DSCAML1: variants seen among roughly 807,000 people sequenced by gnomAD.
DSCAML1 encodes the protein cell adhesion molecule DSCAML1.
DSCAML1 carries 38 observed loss-of-function variants against 200.5 expected under a neutral mutation model. The ratio of observed to expected loss-of-function variants is 0.19; its 90% CI spans 0.15 to 0.25. The LOEUF (loss-of-function observed/expected upper bound fraction) is 0.25. DSCAML1 is among the 10% of genes least tolerant of loss of function. DSCAML1 has a pLI of 1.00. For missense variants in DSCAML1, 2,223 were observed against 2,858.8 expected, an observed-to-expected ratio of 0.78 and a Z score of 5.07; for synonymous variants, 1,215 against 1,165.0, an observed-to-expected ratio of 1.04 and a Z score of -0.87.
intron 3 of DSCAML1, among the ~76,000 whole-genome samples, chr11:117,684,800 T>G (rs1413658994): frequency 6.6e-6 from 1 of 152,246 alleles, no homozygotes; most frequent in South Asian, 2.1e-4. Flanking sequence ...TTTCTTCATA[T>G]ATTGCTGGGG....
intron 28 of DSCAML1, 53 bp downstream of exon 28, chr11:117,433,388 C>G (rs1397989297): frequency 1.2e-6 from 2 of 1,609,016 alleles, no homozygotes; most frequent in Non-Finnish European, 1.7e-6. Context: ...CTGGGTCCTC[C>G]TCAGGACAGA....
intron 3 of DSCAML1, among the ~76,000 whole-genome samples, chr11:117,635,013 A>G (rs2052248733): frequency 6.6e-6 from 1 of 152,156 alleles, no homozygotes; most frequent in South Asian, 2.1e-4. Flanking sequence ...AGCTGGCACC[A>G]TCATGTCTGC....
chr11:117,625,423 G>A (rs2052023464), intron 3 of DSCAML1, among the ~76,000 whole-genome samples: 1 of 152,228 alleles, frequency 6.6e-6, no homozygotes, highest in South Asian at 2.1e-4. Flanking sequence ...CTGATGAGCA[G>A]GGGAGAGAAC....
chr11:117,809,101 C>T (rs1455236894), intron 1 of DSCAML1, among the ~76,000 whole-genome samples: 1 of 152,238 alleles, frequency 6.6e-6, no homozygotes, highest in Non-Finnish European at 1.5e-5. Flanking sequence ...GAGGAAAAAT[C>T]CATCCAGAGA....
At chr11:117,751,596 C>G (rs956037609) in intron 3 of DSCAML1, among the ~76,000 whole-genome samples, 6 of 152,052 alleles carry the variant, frequency 3.9e-5, no homozygotes, top group Non-Finnish European at 5.9e-5. Flanking sequence ...CTTGGGCGAG[C>G]AGAGGAAAGC....
At chr11:117,643,654 G>A (rs544711975) in intron 3 of DSCAML1, among the ~76,000 whole-genome samples, 106 of 152,210 alleles carry the variant, frequency 7.0e-4, no homozygotes, top group African/African-American at 2.5e-3. Flanking sequence ...TGAGCCTCAC[G>A]CACCAGCCCA....
chr11:117,646,231 C>T (rs376397182), intron 3 of DSCAML1, among the ~76,000 whole-genome samples: 7 of 151,934 alleles, frequency 4.6e-5, no homozygotes, highest in Admixed American at 6.6e-5. Context: ...AGTCTGCAGC[C>T]GTGGCCTGGC....
intron 3 of DSCAML1, among the ~76,000 whole-genome samples, chr11:117,567,686 C>G (rs1480414258): frequency 6.6e-6 from 1 of 152,188 alleles, no homozygotes; most frequent in Non-Finnish European, 1.5e-5. Flanking sequence ...GAAGCTGAAT[C>G]TGTGAATAGA....
chr11:117,492,340 A>G (rs1190033653), intron 11 of DSCAML1, among the ~76,000 whole-genome samples: 1 of 152,114 alleles, frequency 6.6e-6, no homozygotes, highest in South Asian at 2.1e-4. Flanking sequence ...CGGGACTCTC[A>G]TAGTGCTTTT....
At position 117,428,664 on chromosome 11, in the gene DSCAML1, G is replaced by A. The variant is rs1434401308; in HGVS notation, c.5826C>T (p.Arg1942=). 10 of 1,612,326 alleles carry A rather than the reference G, an allele frequency of 6.2e-6. No individual in the cohort carries two copies. Among genetic ancestry groups the A allele is most frequent in the South Asian group, 2.2e-5 (2 of 90,552 alleles). ...TGCTGGCAGGGTCCAGGGTCAGGTG[G>A]CGAGCCTGGGTGTGGTAGGTTCGAG... ...NLARTYHTQA[R]HLTLDPASKS... is the part of the protein sequence containing the mutation. The change falls in exon 33 of 33, where the codon CGC becomes CGT. Residue 1942 remains arginine, a synonymous_variant. Coordinates refer to ENST00000651296, the MANE Select transcript of DSCAML1 (RefSeq NM_020693.4).
intron 8 of DSCAML1, among the ~76,000 whole-genome samples, chr11:117,506,273 G>A (rs775631375): frequency 6.6e-6 from 1 of 152,222 alleles, no homozygotes; most frequent in African/African-American, 2.4e-5. Flanking sequence ...GTCATTGAGT[G>A]TCAGGACAGG....
At chr11:117,718,372 G>A (rs1163139017) in intron 3 of DSCAML1, among the ~76,000 whole-genome samples, 1 of 152,218 alleles carries the variant, frequency 6.6e-6, no homozygotes, top group Non-Finnish European at 1.5e-5. Context: ...GGGGGTGAAA[G>A]GGGTTATGGG....
intron 3 of DSCAML1, among the ~76,000 whole-genome samples, chr11:117,649,236 C>A (rs2052581021): frequency 6.6e-6 from 1 of 152,056 alleles, no homozygotes; most frequent in South Asian, 2.1e-4. Flanking sequence ...CACCCCCACA[C>A]CAGGCTAATT....
chr11:117,516,859 G>A lies in DSCAML1; in HGVS notation c.1511-120C>T. ...GGCACTCGGCCCCTGAGACTTTCGG[G>A]GGCGGACATTTGGTGGGGGCACAGG... On this transcript the variant is annotated intron_variant, in intron 7 of 32. Transcript: ENST00000651296. This position sits in a 1 kb window ranked among gnomAD's most constrained non-coding sequence, Gnocchi z 5.7. 7.8e-7 allele frequency: 1 copy of A among 1,280,268 alleles called. No individual in the cohort carries two copies. Among genetic ancestry groups the A allele is most frequent in the Non-Finnish European group, 1.1e-6 (1 of 948,048 alleles). The allele number at this position is 1,280,268 out of a possible 1,614,324, so 79.3% of individuals were successfully genotyped here.
intron 3 of DSCAML1, among the ~76,000 whole-genome samples, chr11:117,593,934 C>T (rs1202503593): frequency 2.0e-5 from 3 of 151,994 alleles, no homozygotes; most frequent in African/African-American, 7.2e-5. Context: ...AGGATGGTCT[C>T]GATCTCCTGA....
chr11:117,700,618 AC>A (rs1215318078), intron 3 of DSCAML1, among the ~76,000 whole-genome samples: 2 of 152,240 alleles, frequency 1.3e-5, no homozygotes, highest in Non-Finnish European at 2.9e-5. Context: ...CTTGATCGTG[AC>A]AAGCTGGGTT....
rs77312807 is a variant in DSCAML1 at position 117,816,602 on chromosome 11, G to A, written c.-250+788C>T. 6.7e-3 allele frequency among the ~76,000 whole-genome samples: 1,025 copies of A among 152,272 alleles called. 13 individuals are homozygous for A. Among genetic ancestry groups the A allele is most frequent in the African/African-American group, 0.024 (979 of 41,548 alleles). ...AGAGCGGAGGGAGGGTGGAAGCCTG[G>A]AGAGTCTGGGAGGAGACGCTACACC... On this transcript the variant is annotated intron_variant, in intron 1 of 2. Transcript: ENST00000525836.
At chr11:117,745,939 G>C (rs943369019) in intron 3 of DSCAML1, among the ~76,000 whole-genome samples, 1 of 152,114 alleles carries the variant, frequency 6.6e-6, no homozygotes, top group Non-Finnish European at 1.5e-5. Context: ...CACAGGCCAG[G>C]CGCGGTGGCT....
At chr11:117,450,792 C>T in intron 19 of DSCAML1, 104 bp from the exon 20 acceptor site, 1 of 1,379,414 alleles carries the variant, frequency 7.2e-7, no homozygotes, top group African/African-American at 1.4e-5. Flanking sequence ...GGGAGAGCTT[C>T]TTGGAGGTGG....
Sources: allele counts gnomAD v4.1 joint callset (sites outside exome capture counted in the v4.1 genomes callset), GRCh38; gene constraint gnomAD v4.1.1; non-coding constraint Gnocchi (gnomAD v3.1); transcripts MANE v1.5; gene names NCBI Gene and HGNC (gene_info 2026-07-23, HGNC 2026-07-21).